The following MTAP variants were observed in gnomAD, a reference collection of about 807,000 sequenced individuals.
The protein encoded by MTAP is methylthioadenosine phosphorylase.
A neutral mutation model predicts 33.6 loss-of-function variants in MTAP; 33 were observed. The observed-to-expected ratio is 0.98, with a 90% confidence interval of 0.74 to 1.31. The LOEUF is 1.31. Among genes scored for constraint, MTAP ranks in the 40% most tolerant of loss-of-function variants. The pLI, the probability that MTAP is intolerant of heterozygous loss-of-function variation, is 0.00. For missense variants in MTAP, 367 were observed against 360.0 expected, an observed-to-expected ratio of 1.02 and a Z score of -0.16; for synonymous variants, 148 against 125.7, an observed-to-expected ratio of 1.18 and a Z score of -1.19.
At chr9:21,921,388 T>G (rs1326472377) in intron 1 of MTAP, among the ~76,000 whole-genome samples, 1 of 152,196 alleles carries the variant, frequency 6.6e-6, no homozygotes, top group South Asian at 2.1e-4. Context: ...CTCAATTTCA[T>G]TTACTTCTGC....
intron 5 of MTAP, among the ~76,000 whole-genome samples, chr9:21,851,486 G>T (rs114801011): frequency 0.011 from 1,698 of 152,260 alleles, 26 homozygotes; most frequent in African/African-American, 0.037. Context: ...GTAGTATTTG[G>T]GTTGGTGTTT....
At chr9:21,912,735 C>T (rs1818601134) in intron 1 of MTAP, among the ~76,000 whole-genome samples, 5 of 152,144 alleles carry the variant, frequency 3.3e-5, no homozygotes, top group Admixed American at 3.3e-4. Flanking sequence ...GACAGGGGTG[C>T]CCTCTCTCAC....
chr9:21,888,247 T>A (rs1225362427), intron 1 of MTAP, among the ~76,000 whole-genome samples: 1 of 152,232 alleles, frequency 6.6e-6, no homozygotes, highest in Non-Finnish European at 1.5e-5. Flanking sequence ...TGTCATATGC[T>A]CTATGTTGGA....
At chr9:21,900,492 C>G (rs1818373225) in intron 1 of MTAP, among the ~76,000 whole-genome samples, 1 of 152,138 alleles carries the variant, frequency 6.6e-6, no homozygotes, top group African/African-American at 2.4e-5. Flanking sequence ...GTCAGAATGG[C>G]TACTATTAAA....
chr9:21,931,409 G>T (rs142144264), downstream of MTAP: 5 of 452,932 alleles, frequency 1.1e-5, no homozygotes, highest in Admixed American at 1.2e-4. Flanking sequence ...ATGATCATCA[G>T]GTGGTTGTTA....
intron 1 of MTAP, among the ~76,000 whole-genome samples, chr9:21,804,632 A>G (rs974383004): frequency 5.3e-5 from 8 of 152,356 alleles, no homozygotes; most frequent in Admixed American, 5.2e-4. Flanking sequence ...TTCTAAGGCA[A>G]CATTCTGTAT....
intron 1 of MTAP, among the ~76,000 whole-genome samples, chr9:21,903,494 C>T (rs1328754599): frequency 6.6e-6 from 1 of 152,124 alleles, no homozygotes; most frequent in African/African-American, 2.4e-5. Flanking sequence ...CCTAGAGACA[C>T]TCTGAGCTAC....
intron 4 of MTAP, among the ~76,000 whole-genome samples, chr9:21,834,475 G>T (rs1490213497): frequency 6.6e-6 from 1 of 152,200 alleles, no homozygotes; most frequent in Non-Finnish European, 1.5e-5. Context: ...GGAGTGTATC[G>T]TGGGTCTCAC....
rs1423479482 is a variant in MTAP, at chr9:21,862,684, T to C, written c.*670T>C. The C allele has an allele frequency of 6.5e-6, 1 of 152,980 alleles. No individual in the cohort carries two copies. The highest frequency in any genetic ancestry group is 2.4e-5 in the African/African-American group (1 of 41,460). 9.5% of individuals were successfully genotyped at this position (152,980 alleles called of 1,614,324 possible). A position where few individuals can be genotyped will look rare whatever the true frequency, so the allele number is the denominator to read the frequency against. On this transcript the variant is annotated 3_prime_UTR_variant, in exon 8 of 8. Transcript: ENST00000644715. Reference sequence around the variant, plus strand: ...TGAAAATCCTTTTTGCATATTTCAATGTCCTAAAAAGACACGGTTGCTCTA... The same window carrying C: ...TGAAAATCCTTTTTGCATATTTCAACGTCCTAAAAAGACACGGTTGCTCTA...
At chr9:21,871,814 G>A (rs1158645632), downstream of MTAP, among the ~76,000 whole-genome samples, 5 of 151,934 alleles carry the variant, frequency 3.3e-5, no homozygotes, top group African/African-American at 7.3e-5. Context: ...ATTTTACTAC[G>A]TAAAATTCTA....
At chr9:21,894,035 C>T (rs569010718) in intron 1 of MTAP, among the ~76,000 whole-genome samples, 6 of 151,758 alleles carry the variant, frequency 4.0e-5, no homozygotes, top group Non-Finnish European at 7.4e-5. Context: ...AGCATTGTAT[C>T]AAAAAGCTAA....
At chr9:21,918,923 C>T (rs956518462) in intron 1 of MTAP, among the ~76,000 whole-genome samples, 32 of 152,056 alleles carry the variant, frequency 2.1e-4, no homozygotes, top group African/African-American at 7.2e-4. Context: ...TGAGAACAGA[C>T]TAATAAAATG....
intron 4 of MTAP, among the ~76,000 whole-genome samples, chr9:21,821,746 A>G (rs965932868): frequency 1.3e-5 from 2 of 152,058 alleles, no homozygotes; most frequent in African/African-American, 4.8e-5. Flanking sequence ...CTGTGAATCC[A>G]TCTGGTCCTG....
At chr9:21,885,633 C>A (rs2118722956) in intron 1 of MTAP, among the ~76,000 whole-genome samples, 1 of 152,198 alleles carries the variant, frequency 6.6e-6, no homozygotes, top group East Asian at 1.9e-4. Flanking sequence ...GGCTTTGCAT[C>A]CTCGTGGCTT....
chr9:21,900,593 G>A (rs1818375254), intron 1 of MTAP, among the ~76,000 whole-genome samples: 1 of 152,182 alleles, frequency 6.6e-6, no homozygotes, highest in African/African-American at 2.4e-5. Flanking sequence ...CAGCCACTGT[G>A]GAAAGCGGTT....
chr9:21,836,062 C>T lies in MTAP; in HGVS notation c.348-1846C>T, dbSNP rs114678542. ...GAGTGTTGTGAGGCCCCATCTGGTG[C>T]CGACTCCAATTCTGTCTCTAGCCCA... On this transcript the variant is annotated intron_variant, in intron 4 of 7. Transcript: ENST00000644715. Among the ~76,000 whole-genome samples, 993 of 152,212 alleles carry T rather than the reference C, an allele frequency of 6.5e-3. 10 individuals are homozygous for T. The highest frequency in any genetic ancestry group is 0.023 in the African/African-American group (938 of 41,518).
Position 21,824,869 on chromosome 9 carries a change from C to CGAG in MTAP, c.347+6669_347+6671dup, listed in dbSNP as rs535675023. On this transcript the variant is annotated intron_variant, in intron 4 of 7. Transcript: ENST00000644715. ...CTCAGGCTGCTGTGCTAGCAATAAG[C>CGAG]GAGGCTCTGTGGGCGTGGGACCCTC... Among the ~76,000 whole-genome samples, 1,474 of 152,228 alleles carry CGAG rather than the reference C, an allele frequency of 9.7e-3. 19 individuals carry two copies. Among genetic ancestry groups the CGAG allele is most frequent in the Non-Finnish European group, 0.012 (833 of 68,010 alleles).
downstream of MTAP, among the ~76,000 whole-genome samples, chr9:21,938,759 A>T (rs377698387): frequency 6.6e-5 from 10 of 152,222 alleles, no homozygotes; most frequent in African/African-American, 2.2e-4. Context: ...TTACTCTGAT[A>T]CTTTCCTGAA....
rs1193089384 is a variant in MTAP at position 21,802,698 on chromosome 9, T to C, written c.-51T>C. On this transcript the variant is annotated 5_prime_UTR_variant, in exon 1 of 8. Coordinates refer to ENST00000644715, the MANE Select transcript of MTAP (RefSeq NM_002451.4). ...AGCCACCGCTCTGTGGCTCGCTTGG[T>C]TCCCTTAGTCCCGAGCGCTCGCCCA... 6.3e-7 allele frequency: 1 copy of C among 1,586,278 alleles called. No homozygotes were observed. The highest frequency in any genetic ancestry group is 2.3e-5 in the East Asian group (1 of 43,120).
Sources: allele counts gnomAD v4.1 joint callset (sites outside exome capture counted in the v4.1 genomes callset), GRCh38; gene constraint gnomAD v4.1.1; transcripts MANE v1.5; gene names NCBI Gene and HGNC (gene_info 2026-07-23, HGNC 2026-07-21).